Variants in COL24A1 observed in about 807,000 individuals in gnomAD.
COL24A1 encodes collagen type XXIV alpha 1 chain.
A neutral mutation model predicts 253.9 loss-of-function variants in COL24A1; 224 were observed. That is an observed-to-expected ratio of 0.88 (90% CI 0.79 to 0.99). The LOEUF is 0.99. Among genes scored for constraint, COL24A1 ranks in the 50% least tolerant of loss-of-function variants. The pLI is 0.00. For missense variants in COL24A1, 2,131 were observed against 2,068.5 expected (o/e 1.03, Z -0.59); for synonymous variants, 685 against 673.7 (o/e 1.02, Z -0.26).
intron 1 of COL24A1, among the ~76,000 whole-genome samples, chr1:86,147,643 TGA>T (rs1652084152): frequency 6.6e-6 from 1 of 152,232 alleles, no homozygotes; most frequent in African/African-American, 2.4e-5. Flanking sequence ...ACAGAGATTA[TGA>T]TTCAAAAATT....
At chr1:85,995,587 G>C (rs964404449) in intron 19 of COL24A1, among the ~76,000 whole-genome samples, 3 of 152,124 alleles carry the variant, frequency 2.0e-5, no homozygotes, top group African/African-American at 7.2e-5. Context: ...TGAGGAGGGA[G>C]GGGGGAAGGA....
chr1:85,970,233 C>A lies in COL24A1; in HGVS notation c.2457G>T (p.Gly819=), dbSNP rs1692005515. Residue 819 remains glycine, a synonymous_variant, in exon 22 of 60, where the codon GGG becomes GGT. Transcript: ENST00000370571. ...TTATTTATATGATACCTACTCTTGGCCCCAGTTCCCCAAAGGCTCCAATTG... is the reference window on the plus strand; with the variant it reads ...TTATTTATATGATACCTACTCTTGGACCCAGTTCCCCAAAGGCTCCAATTG... ...EGPIGAFGEL[G]PRGKPGQKGY... is the part of the protein sequence containing the mutation. 1.3e-6 allele frequency: 2 copies of A among 1,592,408 alleles called. No individual in the cohort carries two copies. The highest frequency in any genetic ancestry group is 1.4e-5 in the African/African-American group (1 of 73,600).
chr1:85,872,431 C>A (rs1329764676), intron 35 of COL24A1, among the ~76,000 whole-genome samples: 1 of 152,162 alleles, frequency 6.6e-6, no homozygotes, highest in Non-Finnish European at 1.5e-5. Context: ...ATCACACTAC[C>A]TGACTTCAAA....
At chr1:86,128,850 G>C (rs577257662) in intron 2 of COL24A1, among the ~76,000 whole-genome samples, 1 of 151,688 alleles carries the variant, frequency 6.6e-6, no homozygotes, top group African/African-American at 2.4e-5. Context: ...TTATTCTTTT[G>C]GTATCTCACT....
At chr1:85,987,721 A>T (rs1305131857) in intron 19 of COL24A1, 67 bp from the exon 20 acceptor site, 2 of 1,407,556 alleles carry the variant, frequency 1.4e-6, no homozygotes, top group African/African-American at 2.9e-5. Flanking sequence ...AGCATATAAA[A>T]TTCCCTTTGC....
Position 85,924,032 on chromosome 1 carries a change from C to T in COL24A1, c.2563-12599G>A, listed in dbSNP as rs563751938. Among the ~76,000 whole-genome samples the T allele has an allele frequency of 1.3e-4, 20 of 152,270 alleles. No individual in the cohort carries two copies. The East Asian group carries it at 1.3e-3, about 10-fold the overall frequency. ...AAATACAAACTACCATCAGAGAATA[C>T]TATAAACACCTCTAGGCAAATAAAC... On this transcript the variant is annotated intron_variant, in intron 24 of 59. Coordinates refer to ENST00000370571, the MANE Select transcript of COL24A1 (RefSeq NM_152890.7).
chr1:85,915,514 G>C (rs1352737336), intron 24 of COL24A1, among the ~76,000 whole-genome samples: 2 of 151,976 alleles, frequency 1.3e-5, no homozygotes, highest in African/African-American at 4.8e-5. Flanking sequence ...ATATCCTGTT[G>C]GTTCTGTTTC....
intron 14 of COL24A1, among the ~76,000 whole-genome samples, chr1:86,028,585 T>G (rs993686576): frequency 6.6e-6 from 1 of 152,244 alleles, no homozygotes; most frequent in Non-Finnish European, 1.5e-5. Context: ...AATGTGGAAC[T>G]GTGAGTCAAT....
intron 43 of COL24A1, among the ~76,000 whole-genome samples, chr1:85,832,868 G>A (rs1386921373): frequency 6.6e-6 from 1 of 150,928 alleles, no homozygotes; most frequent in Non-Finnish European, 1.5e-5. Flanking sequence ...CATGTCATCT[G>A]CAAACAGGGA....
chr1:85,830,856 G>C (rs562704604), intron 43 of COL24A1, among the ~76,000 whole-genome samples: 1 of 152,266 alleles, frequency 6.6e-6, no homozygotes, highest in Admixed American at 6.6e-5. Context: ...CAGTACCTCA[G>C]ATGGAAATGC....
chr1:86,022,402 C>G, intron 17 of COL24A1, 109 bp from the exon 18 acceptor site: 1 of 1,366,596 alleles, frequency 7.3e-7, no homozygotes, highest in Non-Finnish European at 1.0e-6. Context: ...AATATTGAGA[C>G]AAAAGTTTCA....
chr1:85,733,902 TTTAA>T (rs1663772617), intron 59 of COL24A1, among the ~76,000 whole-genome samples: 2 of 136,220 alleles, frequency 1.5e-5, no homozygotes, highest in South Asian at 4.8e-4. Context: ...TTTAATTTAA[TTTAA>T]TTTTTTTTTT....
chr1:85,812,921 C>A (rs1048528393), intron 47 of COL24A1, among the ~76,000 whole-genome samples: 1 of 152,152 alleles, frequency 6.6e-6, no homozygotes. Context: ...GAGCTCCCAA[C>A]AAGGCAATGC....
intron 2 of COL24A1, among the ~76,000 whole-genome samples, chr1:86,134,884 G>A (rs2102341117): frequency 6.8e-6 from 1 of 147,566 alleles, no homozygotes. Flanking sequence ...GCAGAGCTGA[G>A]TTCAATTCCT....
In COL24A1 at chr1:86,110,297, A is replaced by G. The variant is rs1705417307; in HGVS notation, c.1599+2270T>C. Among the ~76,000 whole-genome samples the G allele has an allele frequency of 3.3e-5, 5 of 152,070 alleles. No individual in the cohort carries two copies. The South Asian group carries it at 1.0e-3, about 32-fold the overall frequency. ...TATGTTTAGTGATATCTCCATTCCC[A>G]TGCTTTCAAGGTAACCAACCTGTGT... On this transcript the variant is annotated intron_variant, in intron 5 of 59. Coordinates refer to ENST00000370571, the MANE Select transcript of COL24A1 (RefSeq NM_152890.7).
intron 50 of COL24A1, among the ~76,000 whole-genome samples, chr1:85,783,763 G>C (rs1258853693): frequency 6.6e-6 from 1 of 152,154 alleles, no homozygotes; most frequent in Non-Finnish European, 1.5e-5. Flanking sequence ...TACGTAGATG[G>C]ATAAGCACAA....
At chr1:86,095,076 A>G (rs1356911987) in intron 5 of COL24A1, among the ~76,000 whole-genome samples, 1 of 152,058 alleles carries the variant, frequency 6.6e-6, no homozygotes, top group East Asian at 1.9e-4. Flanking sequence ...ATAAGAAATG[A>G]TAGCCCTTGA....
intron 37 of COL24A1, among the ~76,000 whole-genome samples, chr1:85,857,647 T>C (rs962179334): frequency 2.0e-5 from 3 of 151,772 alleles, no homozygotes; most frequent in African/African-American, 4.9e-5. Context: ...ACAGACTCAA[T>C]GTTGGAAAGG....
Position 86,136,123 on chromosome 1 carries a change from A to G in COL24A1, c.122-9909T>C, listed in dbSNP as rs550345243. 2.0e-5 allele frequency among the ~76,000 whole-genome samples: 3 copies of G among 152,130 alleles called. No homozygotes were observed. In the East Asian group the frequency reaches 5.8e-4, roughly 29 times the overall value. On this transcript the variant is annotated intron_variant, in intron 2 of 59. Coordinates refer to ENST00000370571, the MANE Select transcript of COL24A1 (RefSeq NM_152890.7). ...TTCTCTTTCCTCCATATCCACTCAC[A>G]TTGGTATATGCTTCAGAATGAATCC... is the stretch of plus-strand genomic sequence containing the variant.
Sources: gnomAD v4.1 joint callset for allele counts (sites outside exome capture counted in the v4.1 genomes callset) on GRCh38, gnomAD v4.1.1 for gene constraint, MANE v1.5 for transcripts, NCBI Gene and HGNC (gene_info 2026-07-23, HGNC 2026-07-21) for gene names.